Variants in SUSD4 observed in about 807,000 individuals in gnomAD.
The protein encoded by SUSD4 is sushi domain containing 4, also known as sushi domain-containing protein 4.
In SUSD4, 41 loss-of-function variants were observed where a neutral mutation model predicts 50.5. That is an observed-to-expected ratio of 0.81 (90% CI 0.63 to 1.05). The LOEUF is 1.05. Ranked by LOEUF, SUSD4 falls within the 50% of genes least tolerant of loss-of-function variation. The pLI is 0.00. For missense variants in SUSD4, 580 were observed against 634.7 expected (o/e 0.91, Z 0.93); for synonymous variants, 257 against 257.3 (o/e 1.00, Z 0.01).
chr1:223,287,933 G>T (rs939212367), intron 3 of SUSD4, among the ~76,000 whole-genome samples: 4 of 152,138 alleles, frequency 2.6e-5, no homozygotes, highest in African/African-American at 9.7e-5. Context: ...CACTCCCCCT[G>T]CAAAGAGGAA....
intron 2 of SUSD4, among the ~76,000 whole-genome samples, chr1:223,309,363 T>C (rs1665737314): frequency 6.6e-6 from 1 of 152,172 alleles, no homozygotes; most frequent in Non-Finnish European, 1.5e-5. Context: ...GTTATCTTTG[T>C]TAGCAGAAGA....
At chr1:223,301,565 C>G (rs1665198835) in intron 2 of SUSD4, among the ~76,000 whole-genome samples, 1 of 152,110 alleles carries the variant, frequency 6.6e-6, no homozygotes, top group South Asian at 2.1e-4. Flanking sequence ...GAGCTTTTCC[C>G]CCCTTACTTC....
rs1024702251 is a variant in SUSD4 at position 223,303,403 on chromosome 1, T to C, written c.149-10752A>G. On this transcript the variant is annotated intron_variant, in intron 2 of 8. Transcript: ENST00000366878. ...CACTGGGGGAAGGAGCGGACAGGCA[T>C]TCATTCAACCAACAATGGGAACCTG... Among the ~76,000 whole-genome samples the C allele has an allele frequency of 4.6e-5, 7 of 152,326 alleles. No homozygotes were observed. In the South Asian group the frequency reaches 1.5e-3, roughly 32 times the overall value.
At chr1:223,348,641 T>C (rs751460487) in intron 2 of SUSD4, among the ~76,000 whole-genome samples, 2 of 152,176 alleles carry the variant, frequency 1.3e-5, no homozygotes, top group Non-Finnish European at 2.9e-5. Context: ...TGGCCAGCAC[T>C]GCCCACTTTT....
At chr1:223,270,577 T>C (rs1345289940) in intron 3 of SUSD4, among the ~76,000 whole-genome samples, 1 of 152,154 alleles carries the variant, frequency 6.6e-6, no homozygotes, top group African/African-American at 2.4e-5. Context: ...AGGGGTTTTC[T>C]TTTCCTTTTT....
chr1:223,247,242 C>T (rs1377518962), intron 5 of SUSD4, among the ~76,000 whole-genome samples: 1 of 152,164 alleles, frequency 6.6e-6, no homozygotes, highest in Non-Finnish European at 1.5e-5. Flanking sequence ...TGCCCACTGT[C>T]CCTTGTTTCT....
chr1:223,275,717 C>A (rs1207580038), intron 3 of SUSD4, among the ~76,000 whole-genome samples: 1 of 152,096 alleles, frequency 6.6e-6, no homozygotes, highest in Non-Finnish European at 1.5e-5. Flanking sequence ...CCAGCCCCCG[C>A]CCCCGGCAAT....
At chr1:223,252,235 AAAT>A (rs1342547710) in intron 5 of SUSD4, among the ~76,000 whole-genome samples, 2 of 58,446 alleles carry the variant, frequency 3.4e-5, no homozygotes, top group African/African-American at 5.1e-5. Flanking sequence ...AAAAAAAAAA[AAAT>A]ATATATATAT....
chr1:223,365,163 C>A (rs1439282815), upstream of SUSD4, among the ~76,000 whole-genome samples: 1 of 152,100 alleles, frequency 6.6e-6, no homozygotes, highest in African/African-American at 2.4e-5. Context: ...TAATTGCCCT[C>A]CCAGCCCCAA....
chr1:223,286,542 G>A (rs986352080), intron 3 of SUSD4, among the ~76,000 whole-genome samples: 5 of 152,216 alleles, frequency 3.3e-5, no homozygotes, highest in East Asian at 1.9e-4. Flanking sequence ...ATGAGCCACC[G>A]CAGCTGGCCT....
chr1:223,349,559 C>T (rs773360609), intron 2 of SUSD4, among the ~76,000 whole-genome samples: 7 of 152,176 alleles, frequency 4.6e-5, no homozygotes, highest in Non-Finnish European at 5.9e-5. Context: ...GCATGAATAG[C>T]AGACTTAGGA....
intron 2 of SUSD4, among the ~76,000 whole-genome samples, chr1:223,359,928 T>C (rs1042554226): frequency 1.1e-4 from 15 of 140,490 alleles, no homozygotes; most frequent in African/African-American, 4.0e-4. Flanking sequence ...AGTGCTTGGC[T>C]CAGGACGGGG....
At chr1:223,234,582 T>C (rs1401358878) in intron 5 of SUSD4, among the ~76,000 whole-genome samples, 1 of 152,230 alleles carries the variant, frequency 6.6e-6, no homozygotes, top group Non-Finnish European at 1.5e-5. Context: ...GGTGGTTCCC[T>C]GTCCACTTCT....
At position 223,250,897 on chromosome 1, in the gene SUSD4, C is replaced by T. The variant is rs191518267; in HGVS notation, c.724+13733G>A. 3.6e-4 allele frequency among the ~76,000 whole-genome samples: 55 copies of T among 152,210 alleles called. 2 individuals are homozygous for T. The East Asian group carries it at 0.01, about 28-fold the overall frequency. On this transcript the variant is annotated intron_variant, in intron 5 of 8. Transcript: ENST00000366878. ...GGGTTTGGGAAGATTCGAAGACAGC[C>T]CTTTAAACCTGGGAGCAAGAGCTAG...
rs534581733 is a variant in SUSD4 at position 223,245,665 on chromosome 1, A to G, written c.725-16277T>C. Among the ~76,000 whole-genome samples, 188 of 152,338 alleles carry G rather than the reference A, an allele frequency of 1.2e-3. 1 individual carries two copies. The highest frequency in any genetic ancestry group is 1.2e-3 in the Non-Finnish European group (81 of 68,028). On this transcript the variant is annotated intron_variant, in intron 5 of 8. Coordinates refer to ENST00000366878, the MANE Select transcript of SUSD4 (RefSeq NM_017982.4). ...TTCTTAAAAGCTAGCTGGGTGGAGA[A>G]CAGGCTGTTAGAGAGCAGGGATAGA...
chr1:223,267,791 C>T (rs925826120), intron 4 of SUSD4, among the ~76,000 whole-genome samples: 1 of 151,912 alleles, frequency 6.6e-6, no homozygotes, highest in Non-Finnish European at 1.5e-5. Context: ...TGCTCTCCTT[C>T]TCCCTCAAAT....
intron 5 of SUSD4, among the ~76,000 whole-genome samples, chr1:223,232,681 C>T (rs1367858948): frequency 6.6e-6 from 1 of 152,190 alleles, no homozygotes; most frequent in Non-Finnish European, 1.5e-5. Flanking sequence ...AATTTCTGTA[C>T]CATACAGATC....
At chr1:223,363,706 G>A in intron 1 of SUSD4, 1 of 400,180 alleles carries the variant, frequency 2.5e-6, no homozygotes, top group Non-Finnish European at 4.5e-6. Flanking sequence ...GGGAGGGCAG[G>A]GGTTAGCGCA....
At position 223,231,639 on chromosome 1, in the gene SUSD4, G is replaced by A. The variant is rs1361970103; in HGVS notation, c.725-2251C>T. Among the ~76,000 whole-genome samples the A allele has an allele frequency of 1.3e-5, 2 of 152,232 alleles. No homozygotes were observed. Among genetic ancestry groups the A allele is most frequent in the African/African-American group, 2.4e-5 (1 of 41,462 alleles). On this transcript the variant is annotated intron_variant, in intron 5 of 8. Transcript: ENST00000366878. This position sits in a 1 kb window ranked among gnomAD's most constrained non-coding sequence, Gnocchi z 4.2. The stretch of plus-strand genomic sequence containing the variant: ...GGGAAGGACAGCTGATGAGGAACAG[G>A]GAGAGAGAAAAAGGCACTGGCCACG...
Sources: gnomAD v4.1 joint callset for allele counts (sites outside exome capture counted in the v4.1 genomes callset) on GRCh38, gnomAD v4.1.1 for gene constraint, Gnocchi (gnomAD v3.1) non-coding constraint, MANE v1.5 for transcripts, NCBI Gene and HGNC (gene_info 2026-07-23, HGNC 2026-07-21) for gene names.